The following SLC6A6 variants were observed in gnomAD, a reference collection of about 807,000 sequenced individuals.
SLC6A6 encodes the protein sodium- and chloride-dependent taurine transporter.
In SLC6A6, 16 loss-of-function variants were observed where a neutral mutation model predicts 68.8. The observed-to-expected ratio is 0.23, with a 90% CI of 0.16 to 0.35. The LOEUF (loss-of-function observed/expected upper bound fraction) is 0.35. Among genes scored for constraint, SLC6A6 ranks in the 10% least tolerant of loss-of-function variants. SLC6A6 has a pLI of 1.00. For missense variants in SLC6A6, 474 were observed against 802.8 expected (o/e 0.59, Z 4.95); for synonymous variants, 312 against 315.4 (o/e 0.99, Z 0.12).
chr3:14,484,455 A>C (rs1199481771), intron 14 of SLC6A6, among the ~76,000 whole-genome samples: 1 of 152,208 alleles, frequency 6.6e-6, no homozygotes, highest in Admixed American at 6.5e-5. Context: ...TGGAGGCTGA[A>C]GACAGTTGTC....
At chr3:14,461,868 T>C (rs1210874766) in intron 6 of SLC6A6, among the ~76,000 whole-genome samples, 1 of 152,170 alleles carries the variant, frequency 6.6e-6, no homozygotes, top group Non-Finnish European at 1.5e-5. Flanking sequence ...TCCCAAAGGA[T>C]GCCTGGCTCC....
chr3:14,405,492 C>A (rs986922230), intron 1 of SLC6A6, among the ~76,000 whole-genome samples: 1 of 152,220 alleles, frequency 6.6e-6, no homozygotes, highest in Non-Finnish European at 1.5e-5. Flanking sequence ...TAAGGGCTCC[C>A]CAGAATGCAG....
chr3:14,449,734 C>CCAT (rs2124954909), intron 5 of SLC6A6, among the ~76,000 whole-genome samples: 1 of 152,174 alleles, frequency 6.6e-6, no homozygotes, highest in East Asian at 1.9e-4. Context: ...CCCTGAGAAT[C>CCAT]CATTATTATT....
chr3:14,417,798 G>C (rs927312122), intron 2 of SLC6A6, among the ~76,000 whole-genome samples: 1 of 151,774 alleles, frequency 6.6e-6, no homozygotes, highest in African/African-American at 2.4e-5. Context: ...TCTACCCCAG[G>C]ACACTGATTT....
At chr3:14,447,531 T>G (rs1559300296) in intron 4 of SLC6A6, 51 bp from the exon 5 acceptor site, 4 of 1,603,098 alleles carry the variant, frequency 2.5e-6, no homozygotes, top group Admixed American at 1.7e-5. Context: ...GTGGCCGTGG[T>G]GGGTCTGGCC....
At position 14,479,103 on chromosome 3, in the gene SLC6A6, A is replaced by T; in HGVS notation, c.1469A>T (p.Asp490Val). The T allele has an allele frequency of 1.2e-6, 2 of 1,611,718 alleles. No individual in the cohort carries two copies. The highest frequency in any genetic ancestry group is 2.2e-5 in the South Asian group (2 of 91,040). ...AWIYGGDNLY[D>V]GIEDMIGYRP... The stretch of plus-strand genomic sequence containing the variant: ...CTTGCAGGAGGTGATAACCTTTATG[A>T]TGGTATTGAGGACATGATTGGCTAT... The change falls in exon 13 of 15, where the codon GAT becomes GTT. Residue 490 changes from aspartate (D) to valine (V), a missense_variant. By Grantham distance (152) the Asp-to-Val change is radical. Coordinates refer to ENST00000622186, the MANE Select transcript of SLC6A6 (RefSeq NM_003043.6).
At position 14,447,691 on chromosome 3, in the gene SLC6A6, C is replaced by G. The variant is rs747087399; in HGVS notation, c.474C>G (p.Pro158=). 14 of 1,614,264 alleles carry G rather than the reference C, an allele frequency of 8.7e-6. No homozygotes were observed. The East Asian group carries it at 3.1e-4, about 36-fold the overall frequency. The part of the protein sequence containing the change: ...YLFQSFQKEL[P]WAHCNHSWNT... ...TCCAGTCCTTCCAGAAGGAGCTGCC[C>G]TGGGCACACTGCAACCACAGCTGGA... is the stretch of plus-strand genomic sequence containing the variant. The change falls in exon 5 of 15, where the codon CCC becomes CCG. Residue 158 remains proline, a synonymous_variant. Coordinates refer to ENST00000622186, the MANE Select transcript of SLC6A6 (RefSeq NM_003043.6).
Position 14,477,382 on chromosome 3 carries a change from C to T in SLC6A6, c.1347+40C>T, listed in dbSNP as rs1700903219. On this transcript the variant is annotated intron_variant, in intron 11 of 14. Transcript: ENST00000622186. The surrounding 1 kb of genome is among the most constrained non-coding windows in gnomAD (Gnocchi z 4.2). ...CAGCTGTGTTTCAGGCTTGGTGCTC[C>T]AGTGCCCTCCTCAAGGCCATAGTGG... 1 of 1,605,604 alleles carries T rather than the reference C, an allele frequency of 6.2e-7. No individual in the cohort carries two copies.
chr3:14,459,663 C>CT (rs1312357854), intron 6 of SLC6A6, among the ~76,000 whole-genome samples: 1 of 152,064 alleles, frequency 6.6e-6, no homozygotes, highest in Non-Finnish European at 1.5e-5. Flanking sequence ...ACTGTGCTAC[C>CT]CCGGTTCTCT....
At chr3:14,442,438 T>G (rs148991672) in intron 2 of SLC6A6, among the ~76,000 whole-genome samples, 1 of 152,224 alleles carries the variant, frequency 6.6e-6, no homozygotes, top group Non-Finnish European at 1.5e-5. Flanking sequence ...CCCTCTGTTA[T>G]GTTGTGGGTC....
chr3:14,413,140 A>G (rs1184085945), intron 1 of SLC6A6, among the ~76,000 whole-genome samples: 3 of 152,212 alleles, frequency 2.0e-5, no homozygotes, highest in Non-Finnish European at 4.4e-5. Context: ...TGGGGCTGGC[A>G]TGATGCCTGG....
chr3:14,435,280 C>T (rs779556082), intron 2 of SLC6A6, among the ~76,000 whole-genome samples: 2 of 152,068 alleles, frequency 1.3e-5, no homozygotes, highest in South Asian at 2.1e-4. Context: ...CTGATGAGGC[C>T]GGGGGTGAGG....
chr3:14,455,296 C>T (rs1228286897), intron 5 of SLC6A6, among the ~76,000 whole-genome samples: 4 of 152,170 alleles, frequency 2.6e-5, no homozygotes, highest in Admixed American at 1.3e-4. Flanking sequence ...GTGGCAGCCT[C>T]CCATCAGTAT....
In SLC6A6 at chr3:14,481,930, C is replaced by A; in HGVS notation, c.1722+89C>A. ...GTTTGCTGCGTGATCTCAGGCAAGT[C>A]ACCTGCCCTCTCTGAGCCATAGTTC... On this transcript the variant is annotated intron_variant, in intron 14 of 14. Coordinates refer to ENST00000622186, the MANE Select transcript of SLC6A6 (RefSeq NM_003043.6). This position sits in a 1 kb window ranked among gnomAD's most constrained non-coding sequence, Gnocchi z 4.7. The A allele has an allele frequency of 9.2e-7, 1 of 1,083,008 alleles. No individual in the cohort carries two copies. 67.1% of individuals were successfully genotyped at this position (1,083,008 alleles called of 1,614,324 possible).
At chr3:14,480,310 T>C (rs1035751670) in intron 13 of SLC6A6, among the ~76,000 whole-genome samples, 7 of 152,246 alleles carry the variant, frequency 4.6e-5, no homozygotes, top group African/African-American at 1.7e-4. Context: ...ACCTGTGTTC[T>C]CATCCTGGTT....
At chr3:14,429,313 A>G (rs1030041530) in intron 2 of SLC6A6, among the ~76,000 whole-genome samples, 7 of 152,208 alleles carry the variant, frequency 4.6e-5, no homozygotes, top group African/African-American at 1.7e-4. Context: ...TTGAGGGCCA[A>G]GGTCTTCATC....
intron 1 of SLC6A6, among the ~76,000 whole-genome samples, chr3:14,415,685 T>C (rs1699346672): frequency 6.6e-6 from 1 of 152,128 alleles, no homozygotes; most frequent in Non-Finnish European, 1.5e-5. Context: ...TTTCCCAAAC[T>C]GAGCTTCTAC....
chr3:14,414,729 C>G (rs999468757), intron 1 of SLC6A6, among the ~76,000 whole-genome samples: 1 of 152,116 alleles, frequency 6.6e-6, no homozygotes, highest in South Asian at 2.1e-4. Flanking sequence ...ACAGGTCTCC[C>G]TGTGTTGCTC....
chr3:14,445,844 G>T lies in SLC6A6; in HGVS notation c.357G>T (p.Leu119Phe). The T allele has an allele frequency of 6.2e-7, 1 of 1,614,228 alleles. No homozygotes were observed. The highest frequency in any genetic ancestry group is 8.5e-7 in the Non-Finnish European group (1 of 1,180,030). The change falls in exon 4 of 15, where the codon TTG becomes TTT. Residue 119 changes from leucine (L) to phenylalanine (F), a missense_variant. Transcript: ENST00000622186. ...GITCWEKICP[L>F]FSGIGYASVV... ...CCTGCTGGGAAAAGATCTGCCCCTTGTTCTCTGGTGAGTATGGGACGGAGG... is the reference window on the plus strand; with the variant it reads ...CCTGCTGGGAAAAGATCTGCCCCTTTTTCTCTGGTGAGTATGGGACGGAGG...
Sources: gnomAD v4.1 joint callset for allele counts (sites outside exome capture counted in the v4.1 genomes callset) on GRCh38, gnomAD v4.1.1 for gene constraint, Gnocchi (gnomAD v3.1) non-coding constraint, MANE v1.5 for transcripts, NCBI Gene and HGNC (gene_info 2026-07-23, HGNC 2026-07-21) for gene names.